Variants in PDCD11 observed in about 807,000 individuals in gnomAD.
PDCD11 encodes the protein protein RRP5 homolog.
Under a neutral mutation model 198.9 loss-of-function variants are expected in PDCD11, and 97 were observed. The observed-to-expected ratio is 0.49, with a 90% CI of 0.41 to 0.58. The LOEUF (loss-of-function observed/expected upper bound fraction) is 0.58. PDCD11 is among the 20% of genes least tolerant of loss of function. The pLI is 0.00. For missense variants in PDCD11, 2,102 were observed against 2,312.7 expected, an observed-to-expected ratio of 0.91 and a Z score of 1.87; for synonymous variants, 893 against 918.0, an observed-to-expected ratio of 0.97 and a Z score of 0.49.
chr10:103,419,743 G>A, intron 16 of PDCD11, 35 bp downstream of exon 16: 1 of 1,596,166 alleles, frequency 6.3e-7, no homozygotes, highest in Non-Finnish European at 8.6e-7. Context: ...GCTTTGAGGA[G>A]AGATACAAGG....
At position 103,433,987 on chromosome 10, in the gene PDCD11, C is replaced by T. The variant is rs1339969521; in HGVS notation, c.3514C>T (p.Pro1172Ser). 4.3e-6 allele frequency: 7 copies of T among 1,613,924 alleles called. No individual in the cohort carries two copies. The highest frequency in any genetic ancestry group is 5.9e-6 in the Non-Finnish European group (7 of 1,179,936). ...VKKWLEVEIA[P>S]DIRGRIPLLL... Reference sequence around the variant, plus strand: ...GAAATGGCTTGAGGTGGAGATTGCCCCAGACATCCGGGGGAGAATTCCCTT... The same window carrying T: ...GAAATGGCTTGAGGTGGAGATTGCCTCAGACATCCGGGGGAGAATTCCCTT... The change falls in exon 23 of 36, where the codon CCA becomes TCA. Residue 1172 changes from proline (P) to serine (S), a missense_variant. Physicochemically the swap from Pro to Ser is moderately conservative, Grantham distance 74. Coordinates refer to ENST00000369797, the MANE Select transcript of PDCD11 (RefSeq NM_014976.2).
intron 25 of PDCD11, 29 bp from the exon 26 acceptor site, chr10:103,437,986 G>T (rs1256901451): frequency 6.2e-7 from 1 of 1,601,720 alleles, no homozygotes; most frequent in Admixed American, 1.7e-5. Flanking sequence ...TGAAAATTGA[G>T]CGTTTCCTTC....
At chr10:103,421,205 G>A in intron 16 of PDCD11, 143 bp from the exon 17 acceptor site, 2 of 639,130 alleles carry the variant, frequency 3.1e-6, no homozygotes, top group South Asian at 1.9e-5. Context: ...TGGAAGGGAA[G>A]TAGAGCTGTG....
Position 103,427,466 on chromosome 10 carries a change from C to G in PDCD11, c.3368+75C>G, listed in dbSNP as rs1276819955. 2.5e-6 allele frequency: 3 copies of G among 1,195,446 alleles called. No individual in the cohort carries two copies. In the South Asian group the frequency reaches 4.2e-5, roughly 17 times the overall value. 74.1% of individuals were successfully genotyped at this position (1,195,446 alleles called of 1,614,324 possible). ...GGAATTAGGAATCCCGAATTCGAAT[C>G]TTGATTTTACCAGTGTTAGGATTGA... On this transcript the variant is annotated intron_variant, in intron 21 of 35. Coordinates refer to ENST00000369797, the MANE Select transcript of PDCD11 (RefSeq NM_014976.2).
intron 21 of PDCD11, among the ~76,000 whole-genome samples, chr10:103,430,091 A>G (rs573862637): frequency 2.0e-5 from 3 of 152,230 alleles, no homozygotes; most frequent in African/African-American, 7.2e-5. Flanking sequence ...TCTGGGCTCA[A>G]GTGATCCCCC....
In PDCD11 at chr10:103,445,664, T is replaced by C; in HGVS notation, c.*115T>C. The C allele has an allele frequency of 1.3e-6, 1 of 773,694 alleles. No individual in the cohort carries two copies. Among genetic ancestry groups the C allele is most frequent in the South Asian group, 2.0e-5 (1 of 50,338 alleles). 47.9% of individuals were successfully genotyped at this position (773,694 alleles called of 1,614,324 possible). On this transcript the variant is annotated 3_prime_UTR_variant, in exon 36 of 36. Transcript: ENST00000369797. ...GACTCTATTTAAATGCTGCTTTTTC[T>C]GCAGCACGCTTGGGGAAATCCTGTC... is the stretch of plus-strand genomic sequence containing the variant.
intron 30 of PDCD11, 65 bp downstream of exon 30, chr10:103,440,915 G>A: frequency 9.0e-7 from 1 of 1,108,726 alleles, no homozygotes; most frequent in Non-Finnish European, 1.3e-6. Flanking sequence ...GCCATCCTCT[G>A]CCTCATCCTC....
intron 7 of PDCD11, among the ~76,000 whole-genome samples, chr10:103,408,862 C>T (rs1235055656): frequency 1.3e-5 from 2 of 152,110 alleles, no homozygotes; most frequent in East Asian, 3.8e-4. Flanking sequence ...TTTAACTTTC[C>T]TGTCAGGAAC....
At chr10:103,423,720 C>T (rs2031561359) in intron 19 of PDCD11, 62 bp downstream of exon 19, 2 of 1,087,708 alleles carry the variant, frequency 1.8e-6, no homozygotes, top group Non-Finnish European at 2.8e-6. Context: ...AACCCCACTC[C>T]AGTTCAGGGA....
chr10:103,444,287 T>C, intron 34 of PDCD11: 1 of 625,146 alleles, frequency 1.6e-6, no homozygotes, highest in Non-Finnish European at 2.8e-6. Flanking sequence ...CTAGTTCTGT[T>C]GCCCCTGGGA....
chr10:103,433,233 G>A (rs1465440107), intron 22 of PDCD11, among the ~76,000 whole-genome samples: 1 of 152,180 alleles, frequency 6.6e-6, no homozygotes. Context: ...GGTGGTTCAC[G>A]CCTGTAATCC....
chr10:103,407,542 G>A (rs1283368551), intron 7 of PDCD11, among the ~76,000 whole-genome samples: 1 of 151,910 alleles, frequency 6.6e-6, no homozygotes, highest in Non-Finnish European at 1.5e-5. Context: ...CAGCCTGGGC[G>A]ACTGTGCGAG....
rs199919341 is a variant in PDCD11 at position 103,405,073 on chromosome 10, G to A, written c.454G>A (p.Val152Met). 274 of 1,614,038 alleles carry A rather than the reference G, an allele frequency of 1.7e-4. No homozygotes were observed. The highest frequency in any genetic ancestry group is 1.8e-5 in the Non-Finnish European group (21 of 1,180,004). ...CTCACCTGGAATGCTGGTAAGATGT[G>A]TGGTGAGCAGTCTGGGCATCACAGA... ...LFSPGMLVRCVVSSLGITDRG... is the reference protein window; with the variant it reads ...LFSPGMLVRCMVSSLGITDRG... The change falls in exon 5 of 36, where the codon GTG (valine) becomes ATG (methionine). Residue 152 changes from valine to methionine, a missense_variant. Transcript: ENST00000369797.
Position 103,434,930 on chromosome 10 carries a change from A to G in PDCD11, c.3800A>G (p.Tyr1267Cys), listed in dbSNP as rs780009543. ...AGTATATTTCACATGAGTGACTCCTACTCCGAGACGCCCCTGGAAGACTTC... is the reference window on the plus strand; with the variant it reads ...AGTATATTTCACATGAGTGACTCCTGCTCCGAGACGCCCCTGGAAGACTTC... Reference protein sequence around the residue: ...TVSIFHMSDSYSETPLEDFVP... With the variant: ...TVSIFHMSDSCSETPLEDFVP... Residue 1267 changes from tyrosine (Y) to cysteine (C), a missense_variant, in exon 25 of 36, where the codon TAC becomes TGC. Tyr to Cys is a radical substitution (Grantham distance 194). Coordinates refer to ENST00000369797, the MANE Select transcript of PDCD11 (RefSeq NM_014976.2). 1 of 1,597,980 alleles carries G rather than the reference A, an allele frequency of 6.3e-7. No individual in the cohort carries two copies. Among genetic ancestry groups the G allele is most frequent in the Admixed American group, 1.7e-5 (1 of 58,008 alleles).
intron 9 of PDCD11, among the ~76,000 whole-genome samples, chr10:103,413,540 G>C (rs2030929622): frequency 6.6e-6 from 1 of 152,184 alleles, no homozygotes; most frequent in South Asian, 2.1e-4. Flanking sequence ...TAATAGTTAA[G>C]TATAAGGATG....
intron 22 of PDCD11, among the ~76,000 whole-genome samples, chr10:103,433,249 CT>C (rs1435104838): frequency 2.0e-5 from 3 of 152,116 alleles, no homozygotes; most frequent in African/African-American, 7.2e-5. Flanking sequence ...AATCCCAGCA[CT>C]TTGGGAGGCC....
rs1230680138 is a variant in PDCD11 at position 103,406,609 on chromosome 10, G to C, written c.689G>C (p.Gly230Ala). Residue 230 changes from glycine to alanine, a missense_variant and splice_region_variant, in exon 7 of 36, where the codon GGT becomes GCT. Transcript: ENST00000369797. The stretch of plus-strand genomic sequence containing the variant: ...TTGGGGCCTGGGTCTGGGCTTACAG[G>C]TGCTAAACTAAAGGTGGGTCAGTAC... ...AQEYIRQKNK[G>A]AKLKVGQYLN... 1.2e-6 allele frequency: 2 copies of C among 1,613,782 alleles called. No individual in the cohort carries two copies. Among genetic ancestry groups the C allele is most frequent in the African/African-American group, 1.3e-5 (1 of 75,014 alleles).
Position 103,421,283 on chromosome 10 carries a change from C to T in PDCD11, c.2278-65C>T, listed in dbSNP as rs545588238. ...CTACTCACGTACCCCTTTCCAGGAA[C>T]ATCAAGTGGGTTGTCTTAATGAAGA... is the stretch of plus-strand genomic sequence containing the variant. On this transcript the variant is annotated intron_variant, in intron 16 of 35. Coordinates refer to ENST00000369797, the MANE Select transcript of PDCD11 (RefSeq NM_014976.2). 5.0e-4 allele frequency: 661 copies of T among 1,317,420 alleles called. 2 individuals carry two copies. The Middle Eastern group carries it at 0.012, about 24-fold the overall frequency. The allele number at this position is 1,317,420 out of a possible 1,614,324, so 81.6% of individuals were successfully genotyped here. A position where few individuals can be genotyped will look rare whatever the true frequency, so the allele number is the denominator to read the frequency against.
In PDCD11 at chr10:103,416,474, C is replaced by T; in HGVS notation, c.1519-17C>T. ...TGATAACAGATAACTTGATGACAGC[C>T]TGTGTCCCTCCCCTAGGTTTTGCTT... On this transcript the variant is annotated splice_polypyrimidine_tract_variant and intron_variant, in intron 12 of 35. Coordinates refer to ENST00000369797, the MANE Select transcript of PDCD11 (RefSeq NM_014976.2). The T allele has an allele frequency of 6.2e-7, 1 of 1,613,058 alleles. No homozygotes were observed.
Sources: allele counts gnomAD v4.1 joint callset (sites outside exome capture counted in the v4.1 genomes callset), GRCh38; gene constraint gnomAD v4.1.1; transcripts MANE v1.5; gene names NCBI Gene and HGNC (gene_info 2026-07-23, HGNC 2026-07-21).